LRP1B: variants seen among roughly 807,000 people sequenced by gnomAD.
LRP1B encodes the protein low-density lipoprotein receptor-related protein 1B.
A neutral mutation model predicts 556.6 loss-of-function variants in LRP1B; 217 were observed. The ratio of observed to expected loss-of-function variants is 0.39; its 90% CI spans 0.35 to 0.44. The LOEUF is 0.44. Among genes scored for constraint, LRP1B ranks in the 20% least tolerant of loss-of-function variants. LRP1B has a pLI of 1.00. For synonymous variants in LRP1B, 2,047 were observed against 1,865.8 expected (o/e 1.10, Z -2.50); for missense variants, 5,053 against 5,620.8 (o/e 0.90, Z 3.23).
chr2:141,119,738 C>CTG (rs925404081), intron 7 of LRP1B, among the ~76,000 whole-genome samples: 4 of 109,248 alleles, frequency 3.7e-5, no homozygotes, highest in Non-Finnish European at 7.9e-5. Context: ...GTGTGTGTGT[C>CTG]TGTGTGTGTG....
At chr2:141,288,203 C>T (rs1685795526) in intron 3 of LRP1B, among the ~76,000 whole-genome samples, 1 of 149,900 alleles carries the variant, frequency 6.7e-6, no homozygotes, top group South Asian at 2.1e-4. Flanking sequence ...TATAGATTAT[C>T]TTATTGTAGA....
rs542280863 is a variant in LRP1B at position 140,619,204 on chromosome 2, T to C, written c.6800-17565A>G. On this transcript the variant is annotated intron_variant, in intron 41 of 90. Transcript: ENST00000389484. ...CTGCCCCCTTTCCAGTCCCCTATCA[T>C]TCCCTGACACTCTTGACCTCAAGCT... 1.2e-3 allele frequency among the ~76,000 whole-genome samples: 175 copies of C among 151,902 alleles called. 5 individuals are homozygous for C. Among genetic ancestry groups the C allele is most frequent in the Admixed American group, 0.011 (175 of 15,248 alleles).
intron 41 of LRP1B, among the ~76,000 whole-genome samples, chr2:140,682,442 G>A (rs1195016606): frequency 6.6e-6 from 1 of 152,080 alleles, no homozygotes; most frequent in African/African-American, 2.4e-5. Context: ...CTGTGGCCAG[G>A]GTCAGACTGT....
At chr2:141,307,454 T>C (rs909542008) in intron 3 of LRP1B, among the ~76,000 whole-genome samples, 1 of 152,206 alleles carries the variant, frequency 6.6e-6, no homozygotes, top group Non-Finnish European at 1.5e-5. Context: ...TCTATTTACA[T>C]GGAATATCCT....
chr2:140,460,703 T>A (rs1036210631), intron 60 of LRP1B, among the ~76,000 whole-genome samples: 2 of 152,306 alleles, frequency 1.3e-5, no homozygotes, highest in Middle Eastern at 6.8e-3. Flanking sequence ...AGGTACTGAC[T>A]ATATATCTAA....
At chr2:141,126,836 C>A (rs1701226490) in intron 7 of LRP1B, among the ~76,000 whole-genome samples, 1 of 152,004 alleles carries the variant, frequency 6.6e-6, no homozygotes, top group Non-Finnish European at 1.5e-5. Flanking sequence ...AGCCTCCAAC[C>A]CCTAATATGA....
chr2:142,100,659 G>T (rs940450090), intron 1 of LRP1B, among the ~76,000 whole-genome samples: 2 of 151,914 alleles, frequency 1.3e-5, no homozygotes, highest in Non-Finnish European at 1.5e-5. Flanking sequence ...GAAGATAATT[G>T]TAAGTGAAAA....
chr2:140,233,980 T>G (rs1234170072), intron 90 of LRP1B, among the ~76,000 whole-genome samples: 2 of 151,320 alleles, frequency 1.3e-5, no homozygotes, highest in Non-Finnish European at 3.0e-5. Flanking sequence ...CTGACCTCTT[T>G]GAGTTGGAAA....
At chr2:141,166,699 C>T (rs753122167) in intron 7 of LRP1B, among the ~76,000 whole-genome samples, 6 of 151,362 alleles carry the variant, frequency 4.0e-5, no homozygotes, top group Admixed American at 6.6e-5. Context: ...TCATTCTTGA[C>T]GATAACATAT....
At chr2:141,264,269 C>T (rs558969210) in intron 3 of LRP1B, among the ~76,000 whole-genome samples, 20 of 152,176 alleles carry the variant, frequency 1.3e-4, no homozygotes, top group African/African-American at 3.6e-4. Flanking sequence ...ATTTAATAAA[C>T]GTGACTGACA....
intron 3 of LRP1B, among the ~76,000 whole-genome samples, chr2:141,419,354 G>A (rs956399393): frequency 6.6e-6 from 1 of 152,136 alleles, no homozygotes; most frequent in Non-Finnish European, 1.5e-5. Context: ...AAGGATCCAT[G>A]TTTATTCTTC....
intron 2 of LRP1B, among the ~76,000 whole-genome samples, chr2:141,509,890 TA>T (rs1468280904): frequency 3.9e-5 from 6 of 152,160 alleles, no homozygotes; most frequent in African/African-American, 1.4e-4. Flanking sequence ...ATTAGACTAA[TA>T]TTTTTAGGAC....
chr2:140,238,289 T>C lies in LRP1B; in HGVS notation c.13423A>G (p.Thr4475Ala). 1 of 1,524,600 alleles carries C rather than the reference T, an allele frequency of 6.6e-7. No homozygotes were observed. Among genetic ancestry groups the C allele is most frequent in the African/African-American group, 1.4e-5 (1 of 72,480 alleles). The allele number at this position is 1,524,600 out of a possible 1,614,324, so 94.4% of individuals were successfully genotyped here. A position where few individuals can be genotyped will look rare whatever the true frequency, so the allele number is the denominator to read the frequency against. The change falls in exon 89 of 91, where the codon ACA becomes GCA. Residue 4475 changes from threonine (T) to alanine (A), a missense_variant. Physicochemically the swap from Thr to Ala is moderately conservative, Grantham distance 58 (BLOSUM62 0). Around this residue, in one of 5 missense-constraint regions of LRP1B, gnomAD observed 551 missense variants for 592.0 expected, o/e 0.93. Transcript: ENST00000389484. ...TTGATAATAGGTTGTCTTCTAATTG[T>C]TTTTGTCCTAGAATATATAAACATT... ...VLCKRKRRTK[T>A]IRRQPIINGG...
intron 2 of LRP1B, among the ~76,000 whole-genome samples, chr2:141,503,088 C>G (rs867242349): frequency 2.0e-5 from 3 of 149,046 alleles, no homozygotes; most frequent in Non-Finnish European, 4.5e-5. Context: ...TTTCAATTGT[C>G]ACTTTTATCT....
chr2:141,549,598 T>G (rs1685677089), intron 2 of LRP1B, among the ~76,000 whole-genome samples: 2 of 152,170 alleles, frequency 1.3e-5, no homozygotes, highest in African/African-American at 4.8e-5. Context: ...TTGTTTTCTT[T>G]AATCTTAAAA....
chr2:141,434,075 C>G (rs1043483150), intron 3 of LRP1B, among the ~76,000 whole-genome samples: 1 of 151,664 alleles, frequency 6.6e-6, no homozygotes, highest in Non-Finnish European at 1.5e-5. Context: ...GTGTGGTTCT[C>G]TTTGCATTTT....
Position 141,618,650 on chromosome 2 carries a change from T to C in LRP1B, c.206-138117A>G, listed in dbSNP as rs148551459. ...GTCAGGATGCCACTACAATAGTCTA[T>C]CAGTAAGAATGAAACTATAGAAACA... On this transcript the variant is annotated intron_variant, in intron 2 of 90. Transcript: ENST00000389484. Among the ~76,000 whole-genome samples the C allele has an allele frequency of 2.5e-3, 380 of 152,290 alleles. 1 individual carries two copies. The highest frequency in any genetic ancestry group is 4.2e-3 in the Non-Finnish European group (288 of 68,026).
rs1163667464 is a variant in LRP1B, at chr2:141,154,248, C to T, written c.1013+34173G>A. On this transcript the variant is annotated intron_variant, in intron 7 of 90. Transcript: ENST00000389484. ...ATTTCTCATGCAAGTCAACAATAAACATCTCACATCTTGAATTTTGAACCA... is the reference window on the plus strand; with the variant it reads ...ATTTCTCATGCAAGTCAACAATAAATATCTCACATCTTGAATTTTGAACCA... 4.0e-5 allele frequency among the ~76,000 whole-genome samples: 6 copies of T among 151,852 alleles called. No homozygotes were observed. The East Asian group carries it at 1.2e-3, about 29-fold the overall frequency.
chr2:141,327,972 T>A (rs1687491505), intron 3 of LRP1B, among the ~76,000 whole-genome samples: 1 of 152,200 alleles, frequency 6.6e-6, no homozygotes, highest in South Asian at 2.1e-4. Context: ...TGTTTATTTA[T>A]ATTCAGGTTA....
Sources: gnomAD v4.1 joint callset for allele counts (sites outside exome capture counted in the v4.1 genomes callset) on GRCh38, gnomAD v4.1.1 for gene constraint, gnomAD v4.1.1 regional missense constraint, MANE v1.5 for transcripts, NCBI Gene and HGNC (gene_info 2026-07-23, HGNC 2026-07-21) for gene names.